The following PRKCB variants were observed in gnomAD, a reference collection of about 807,000 sequenced individuals.
PRKCB encodes protein kinase C beta type.
Under a neutral mutation model 81.5 loss-of-function variants are expected in PRKCB, and 13 were observed. The ratio of observed to expected loss-of-function variants is 0.16; its 90% CI spans 0.10 to 0.25. PRKCB has a LOEUF of 0.25. Among genes scored for constraint, PRKCB ranks in the 10% least tolerant of loss-of-function variants. PRKCB has a pLI of 1.00. For synonymous variants in PRKCB, 335 were observed against 321.4 expected (o/e 1.04, Z -0.45); for missense variants, 509 against 875.7 (o/e 0.58, Z 5.29).
intron 9 of PRKCB, among the ~76,000 whole-genome samples, chr16:24,125,098 CCCAATCTT>C (rs1567383901): frequency 0.015 from 1,033 of 67,216 alleles, 19 homozygotes; most frequent in African/African-American, 0.088. Flanking sequence ...TAATTGCAAT[CCCAATCTT>C]GTTACCTATA....
intron 4 of PRKCB, among the ~76,000 whole-genome samples, chr16:24,033,806 G>C (rs1228959510): frequency 6.6e-6 from 1 of 152,074 alleles, no homozygotes; most frequent in Admixed American, 6.6e-5. Flanking sequence ...GACACAGAGA[G>C]AGACGCCATT....
chr16:23,936,462 C>T (rs913415325), intron 2 of PRKCB, among the ~76,000 whole-genome samples: 12 of 152,028 alleles, frequency 7.9e-5, no homozygotes, highest in African/African-American at 2.7e-4. Context: ...ACCCAGGTTG[C>T]AGTACATTGG....
At chr16:24,058,947 G>A (rs1373648874) in intron 5 of PRKCB, among the ~76,000 whole-genome samples, 1 of 75,528 alleles carries the variant, frequency 1.3e-5, no homozygotes, top group Non-Finnish European at 2.5e-5. Context: ...GGAAGGATAA[G>A]AATAAATTGA....
Position 23,836,051 on chromosome 16 carries a change from A to T in PRKCB, c.-125A>T. On this transcript the variant is annotated 5_prime_UTR_variant, in exon 1 of 17. Transcript: ENST00000643927. The stretch of plus-strand genomic sequence containing the variant: ...GCGCCGCGGCCGCCAGAGCCGGCGC[A>T]GGGGAAGCGCCCGCGGCCCCGGGTG... 1 of 619,588 alleles carries T rather than the reference A, an allele frequency of 1.6e-6. No individual in the cohort carries two copies. The highest frequency in any genetic ancestry group is 2.0e-6 in the Non-Finnish European group (1 of 497,376). The allele number at this position is 619,588 out of a possible 1,614,324, so 38.4% of individuals were successfully genotyped here. A position where few individuals can be genotyped will look rare whatever the true frequency, so the allele number is the denominator to read the frequency against.
intron 5 of PRKCB, among the ~76,000 whole-genome samples, chr16:24,061,818 A>T (rs1004348528): frequency 6.6e-6 from 1 of 152,022 alleles, no homozygotes; most frequent in African/African-American, 2.4e-5. Context: ...AAAAAAGAAA[A>T]GAAAAGGAAA....
chr16:23,884,440 C>A (rs1963168104), intron 2 of PRKCB, among the ~76,000 whole-genome samples: 1 of 152,222 alleles, frequency 6.6e-6, no homozygotes, highest in Non-Finnish European at 1.5e-5. Flanking sequence ...TTGCAAATAT[C>A]ACTTCATTAA....
intron 5 of PRKCB, among the ~76,000 whole-genome samples, chr16:24,075,219 T>A (rs1402534398): frequency 6.6e-6 from 1 of 152,222 alleles, no homozygotes; most frequent in Admixed American, 6.5e-5. Context: ...TGGCCTCATG[T>A]GGCTAGTGGT....
intron 16 of PRKCB, among the ~76,000 whole-genome samples, chr16:24,193,815 G>T (rs1042671894): frequency 6.6e-6 from 1 of 152,154 alleles, no homozygotes; most frequent in African/African-American, 2.4e-5. Context: ...TACCTAACAG[G>T]CTCAGCTGAT....
intron 6 of PRKCB, 71 bp from the exon 7 acceptor site, chr16:24,094,092 C>A: frequency 6.6e-7 from 1 of 1,523,682 alleles, no homozygotes; most frequent in Admixed American, 2.0e-5. Flanking sequence ...AGGTCTTGTC[C>A]TCTTGTACAT....
chr16:24,202,272 AC>A (rs1171073278), intron 16 of PRKCB, among the ~76,000 whole-genome samples: 1 of 152,138 alleles, frequency 6.6e-6, no homozygotes, highest in African/African-American at 2.4e-5. Flanking sequence ...TACTTTGCAT[AC>A]AAACACACTT....
intron 2 of PRKCB, among the ~76,000 whole-genome samples, chr16:23,845,215 A>G (rs1962346782): frequency 2.0e-5 from 3 of 152,230 alleles, no homozygotes; most frequent in Admixed American, 6.5e-5. Flanking sequence ...CTTATGATGT[A>G]GCGGGGGGAG....
At chr16:24,033,151 G>A (rs1157029172) in intron 4 of PRKCB, among the ~76,000 whole-genome samples, 1 of 152,174 alleles carries the variant, frequency 6.6e-6, no homozygotes, top group Admixed American at 6.5e-5. Flanking sequence ...AGGTGCTGGT[G>A]GCTCCCACAG....
At chr16:24,081,057 CA>C (rs1273158402) in intron 5 of PRKCB, among the ~76,000 whole-genome samples, 1 of 152,072 alleles carries the variant, frequency 6.6e-6, no homozygotes, top group Non-Finnish European at 1.5e-5. Context: ...TTTTGCAGAA[CA>C]AATGTTTTTA....
chr16:23,981,303 G>T (rs867078059), intron 2 of PRKCB, among the ~76,000 whole-genome samples: 1 of 151,634 alleles, frequency 6.6e-6, no homozygotes, highest in Non-Finnish European at 1.5e-5. Flanking sequence ...CCATCATCAC[G>T]TCTCATCCTC....
chr16:23,982,160 C>T (rs1468298976), intron 2 of PRKCB, among the ~76,000 whole-genome samples: 1 of 35,342 alleles, frequency 2.8e-5, no homozygotes, highest in African/African-American at 1.3e-4. Context: ...CCTTCCCCTT[C>T]CCTTTCCCTT....
chr16:24,085,130 C>A (rs1966296373), intron 5 of PRKCB, among the ~76,000 whole-genome samples: 1 of 135,846 alleles, frequency 7.4e-6, no homozygotes, highest in Admixed American at 7.6e-5. Flanking sequence ...AGTTGAGGAA[C>A]TGGAGGGTTT....
chr16:24,118,898 C>T (rs1396976321), intron 8 of PRKCB, among the ~76,000 whole-genome samples: 5 of 152,062 alleles, frequency 3.3e-5, no homozygotes, highest in African/African-American at 1.2e-4. Flanking sequence ...GGCTCCTGTC[C>T]TCTGAAGGCT....
chr16:24,035,948 T>C (rs1451002762), intron 5 of PRKCB, among the ~76,000 whole-genome samples: 2 of 152,156 alleles, frequency 1.3e-5, no homozygotes, highest in Non-Finnish European at 2.9e-5. Context: ...GCTTGCTTCT[T>C]CCGCAAACTT....
chr16:24,026,943 G>A (rs912181387), intron 3 of PRKCB, among the ~76,000 whole-genome samples: 2 of 152,192 alleles, frequency 1.3e-5, no homozygotes, highest in African/African-American at 2.4e-5. Flanking sequence ...TTAAGTAGGG[G>A]TGTAAGAGAA....
Sources: gnomAD v4.1 joint callset for allele counts (sites outside exome capture counted in the v4.1 genomes callset) on GRCh38, gnomAD v4.1.1 for gene constraint, MANE v1.5 for transcripts, NCBI Gene and HGNC (gene_info 2026-07-23, HGNC 2026-07-21) for gene names.